TECPR2: variants seen among roughly 807,000 people sequenced by gnomAD.
TECPR2 encodes the protein tectonin beta-propeller repeat containing 2.
A neutral mutation model predicts 138.1 loss-of-function variants in TECPR2; 65 were observed. The ratio of observed to expected loss-of-function variants is 0.47; its 90% CI spans 0.39 to 0.58. TECPR2 has a LOEUF of 0.58. TECPR2 is among the 20% of genes least tolerant of loss of function. TECPR2 has a pLI of 0.00. For synonymous variants in TECPR2, 746 were observed against 749.8 expected, an observed-to-expected ratio of 0.99 and a Z score of 0.08; for missense variants, 1,553 against 1,824.5, an observed-to-expected ratio of 0.85 and a Z score of 2.71.
chr14:102,452,224 C>A (rs921794669), intron 15 of TECPR2, among the ~76,000 whole-genome samples, 170 bp from the exon 16 acceptor site: 1 of 152,214 alleles, frequency 6.6e-6, no homozygotes, highest in Non-Finnish European at 1.5e-5. Context: ...CTGCCTTCTA[C>A]CTTAAAGTGC....
At chr14:102,393,299 G>C (rs1888227561) in intron 2 of TECPR2, among the ~76,000 whole-genome samples, 1 of 152,134 alleles carries the variant, frequency 6.6e-6, no homozygotes, top group Non-Finnish European at 1.5e-5. Context: ...GGTGTTTTGG[G>C]ATAGCTAGGC....
chr14:102,438,271 G>A lies in TECPR2; in HGVS notation c.2578+66G>A, dbSNP rs1889735099. 3.3e-6 allele frequency: 5 copies of A among 1,537,390 alleles called. No individual in the cohort carries two copies. The Admixed American group carries it at 5.7e-5, about 18-fold the overall frequency. The stretch of plus-strand genomic sequence containing the variant: ...TCGCCGCTCCTGCTCCCCGCCCCCG[G>A]GGTGCAGACATCTTAGTACAGGGCT... On this transcript the variant is annotated intron_variant, in intron 10 of 19. Transcript: ENST00000359520.
rs1197423334 is a variant in TECPR2 at position 102,501,598 on chromosome 14, CAAAG to C, written c.*3344_*3347del. The C allele has an allele frequency of 1.3e-5, 2 of 152,034 alleles. No homozygotes were observed. The highest frequency in any genetic ancestry group is 2.9e-5 in the Non-Finnish European group (2 of 68,004). The allele number at this position is 152,034 out of a possible 1,614,324, so 9.4% of individuals were successfully genotyped here. On this transcript the variant is annotated 3_prime_UTR_variant, in exon 20 of 20. Coordinates refer to ENST00000359520, the MANE Select transcript of TECPR2 (RefSeq NM_014844.5). ...TAAAAATGCTGCAAATTAAAAACCT[CAAAG>C]AAGGGAAATAATTGCAACAAATGGG...
chr14:102,405,005 A>G (rs1005047022), intron 2 of TECPR2, among the ~76,000 whole-genome samples: 6 of 152,034 alleles, frequency 3.9e-5, no homozygotes, highest in African/African-American at 1.4e-4. Context: ...CTAATACTAC[A>G]TTCAAAAATT....
At chr14:102,406,767 T>C (rs1309689874) in intron 2 of TECPR2, among the ~76,000 whole-genome samples, 2 of 152,148 alleles carry the variant, frequency 1.3e-5, no homozygotes, top group African/African-American at 4.8e-5. Flanking sequence ...GGTGCGAGGA[T>C]CGCTTGAGCC....
At chr14:102,469,038 C>T (rs1277388238) in intron 17 of TECPR2, among the ~76,000 whole-genome samples, 2 of 152,124 alleles carry the variant, frequency 1.3e-5, no homozygotes, top group African/African-American at 4.8e-5. Context: ...AAGTATGAAT[C>T]CTCTAACTTT....
Position 102,443,893 on chromosome 14 carries a change from C to T in TECPR2, c.2933+66C>T. The T allele has an allele frequency of 7.1e-7, 1 of 1,403,780 alleles. No homozygotes were observed. The highest frequency in any genetic ancestry group is 2.4e-5 in the Admixed American group (1 of 42,098). 87.0% of individuals were successfully genotyped at this position (1,403,780 alleles called of 1,614,324 possible). A position where few individuals can be genotyped will look rare whatever the true frequency, so the allele number is the denominator to read the frequency against. ...CTACCCTTCGTTCTTGTCCACTTGACACCACAAGGCACCATGAGGCCGTTC... is the reference window on the plus strand; with the variant it reads ...CTACCCTTCGTTCTTGTCCACTTGATACCACAAGGCACCATGAGGCCGTTC... On this transcript the variant is annotated intron_variant, in intron 12 of 19. Coordinates refer to ENST00000359520, the MANE Select transcript of TECPR2 (RefSeq NM_014844.5). The surrounding 1 kb of genome is among the most constrained non-coding windows in gnomAD (Gnocchi z 4.9).
At chr14:102,404,391 C>T (rs1344731200) in intron 2 of TECPR2, among the ~76,000 whole-genome samples, 1 of 152,028 alleles carries the variant, frequency 6.6e-6, no homozygotes, top group Admixed American at 6.6e-5. Context: ...AAGAACAAAG[C>T]TGGAGATCTC....
At chr14:102,407,562 T>C in intron 3 of TECPR2, 96 bp downstream of exon 3, 1 of 1,454,868 alleles carries the variant, frequency 6.9e-7, no homozygotes, top group Non-Finnish European at 9.1e-7. Context: ...AAGTTTATGC[T>C]CAGAGAAAGC....
Position 102,439,191 on chromosome 14 carries a change from G to A in TECPR2, c.2578+986G>A, listed in dbSNP as rs187179583. On this transcript the variant is annotated intron_variant, in intron 10 of 19. Coordinates refer to ENST00000359520, the MANE Select transcript of TECPR2 (RefSeq NM_014844.5). ...GCTTGTTTTTTCTTAAGGTTGTGTT[G>A]GCCACGTCGGCACCTACGCCAGTGG... 6.4e-4 allele frequency among the ~76,000 whole-genome samples: 97 copies of A among 151,994 alleles called. 2 individuals are homozygous for A. Among genetic ancestry groups the A allele is most frequent in the African/African-American group, 2.1e-3 (88 of 41,462 alleles).
intron 17 of TECPR2, among the ~76,000 whole-genome samples, chr14:102,489,860 C>A (rs1055713829): frequency 5.9e-5 from 9 of 152,116 alleles, no homozygotes; most frequent in Admixed American, 5.2e-4. Flanking sequence ...GCCGCTCTTG[C>A]ACTCAGCACA....
chr14:102,390,113 TAAAG>T (rs1338468030), intron 2 of TECPR2, among the ~76,000 whole-genome samples: 2 of 152,222 alleles, frequency 1.3e-5, no homozygotes, highest in Non-Finnish European at 2.9e-5. Flanking sequence ...AAGCAGCTCA[TAAAG>T]AAAGCTTTGT....
chr14:102,406,915 A>G (rs889802158), intron 2 of TECPR2, among the ~76,000 whole-genome samples: 2 of 152,066 alleles, frequency 1.3e-5, no homozygotes, highest in African/African-American at 2.4e-5. Flanking sequence ...GCTGGATGCA[A>G]TGGCACGATC....
rs1234428795 is a variant in TECPR2, at chr14:102,376,852, A to G, written c.131A>G (p.Asn44Ser). The change falls in exon 2 of 20, where the codon AAC (asparagine) becomes AGC (serine). Residue 44 changes from asparagine to serine, a missense_variant. Coordinates refer to ENST00000359520, the MANE Select transcript of TECPR2 (RefSeq NM_014844.5). The stretch of plus-strand genomic sequence containing the variant: ...GTCTATCTCACGGCCCTCGACACCA[A>G]CGGGGACTACATCGCGGTGGGCAGC... ...IVVYLTALDT[N>S]GDYIAVGSSI... is the part of the protein sequence containing the mutation. The G allele has an allele frequency of 6.2e-7, 1 of 1,614,100 alleles. No homozygotes were observed. The highest frequency in any genetic ancestry group is 1.7e-5 in the Admixed American group (1 of 60,012).
In TECPR2 at chr14:102,408,568, C is replaced by A; in HGVS notation, c.429C>A (p.Phe143Leu). The change falls in exon 4 of 20, where the codon TTC (phenylalanine) becomes TTA (leucine). Residue 143 changes from phenylalanine to leucine, a missense_variant. Coordinates refer to ENST00000359520, the MANE Select transcript of TECPR2 (RefSeq NM_014844.5). ...GGAGCCCCAATGGAATGAAATTGTT[C>A]TCTGGAGATGACAAAGGCAAAATTG... ...LAWSPNGMKL[F>L]SGDDKGKIVY... 1 of 1,613,444 alleles carries A rather than the reference C, an allele frequency of 6.2e-7. No individual in the cohort carries two copies.
chr14:102,406,489 T>C (rs1446938885), intron 2 of TECPR2, among the ~76,000 whole-genome samples: 8 of 151,928 alleles, frequency 5.3e-5, no homozygotes, highest in African/African-American at 9.7e-5. Context: ...GAGGTTGCAG[T>C]GAGCCAAGGT....
Position 102,464,294 on chromosome 14 carries a change from A to G in TECPR2, c.3641-847A>G, listed in dbSNP as rs140764834. Reference sequence around the variant, plus strand: ...CAGACTATTATCAAATGTAATTTCTATTTTTAAAAAACTCTTCCCATTTCC... The same window carrying G: ...CAGACTATTATCAAATGTAATTTCTGTTTTTAAAAAACTCTTCCCATTTCC... On this transcript the variant is annotated intron_variant, in intron 16 of 19. Transcript: ENST00000359520. 3.3e-4 allele frequency among the ~76,000 whole-genome samples: 51 copies of G among 152,344 alleles called. 1 individual carries two copies. In the East Asian group the frequency reaches 6.5e-3, roughly 20 times the overall value.
At chr14:102,425,432 G>A in intron 6 of TECPR2, 141 bp downstream of exon 6, 1 of 929,498 alleles carries the variant, frequency 1.1e-6, no homozygotes, top group Non-Finnish European at 1.4e-6. Flanking sequence ...GGCCAGTCAA[G>A]GAAATCAAAT....
chr14:102,440,711 G>T, intron 11 of TECPR2, 102 bp downstream of exon 11: 1 of 1,388,162 alleles, frequency 7.2e-7, no homozygotes, highest in South Asian at 1.4e-5. Flanking sequence ...CTATGATTAA[G>T]AGGCTAAATC....
Sources: gnomAD v4.1 joint callset for allele counts (sites outside exome capture counted in the v4.1 genomes callset) on GRCh38, gnomAD v4.1.1 for gene constraint, Gnocchi (gnomAD v3.1) non-coding constraint, MANE v1.5 for transcripts, NCBI Gene and HGNC (gene_info 2026-07-23, HGNC 2026-07-21) for gene names.